The following WWOX variants were observed in gnomAD, a reference collection of about 807,000 sequenced individuals.
WWOX encodes the protein WW domain-containing oxidoreductase.
A neutral mutation model predicts 46.2 loss-of-function variants in WWOX; 69 were observed. That is an observed-to-expected ratio of 1.49 (90% confidence interval 1.23 to 1.82). The LOEUF (loss-of-function observed/expected upper bound fraction) is 1.82, where lower values mean the gene tolerates loss of function less well. WWOX is among the 40% of genes most tolerant of loss of function. The pLI is 0.00. For missense variants in WWOX, 919 were observed against 542.6 expected (o/e 1.69, Z -6.89); for synonymous variants, 359 against 202.6 (o/e 1.77, Z -6.56).
chr16:78,424,250 T>C (rs1020941998), intron 6 of WWOX, among the ~76,000 whole-genome samples: 2 of 151,704 alleles, frequency 1.3e-5, no homozygotes, highest in Admixed American at 6.6e-5. Context: ...CCTGAGTAAC[T>C]GGGATTACAG....
At chr16:78,890,452 C>G (rs778510218) in intron 8 of WWOX, 2 of 152,140 alleles carry the variant, frequency 1.3e-5, no homozygotes, top group Non-Finnish European at 2.9e-5. Context: ...GAGACTGTTC[C>G]CCCAGCCCCA....
chr16:78,965,949 A>C (rs980688160), intron 8 of WWOX, among the ~76,000 whole-genome samples: 9 of 152,184 alleles, frequency 5.9e-5, no homozygotes, highest in African/African-American at 2.2e-4. Context: ...ATTTGCTCCA[A>C]AGTAGAGTTG....
At chr16:78,546,806 C>T (rs80285051) in intron 8 of WWOX, among the ~76,000 whole-genome samples, 263 of 152,132 alleles carry the variant, frequency 1.7e-3, no homozygotes, top group African/African-American at 6.1e-3. Context: ...GCCTAGAAAA[C>T]CTGGGCACAA....
chr16:78,908,921 G>T (rs1003073739), intron 8 of WWOX, among the ~76,000 whole-genome samples: 1 of 152,196 alleles, frequency 6.6e-6, no homozygotes, highest in Non-Finnish European at 1.5e-5. Flanking sequence ...GCAGCCTCCG[G>T]CAGCATGACT....
intron 1 of WWOX, among the ~76,000 whole-genome samples, chr16:78,107,671 G>C (rs2032237024): frequency 1.3e-5 from 2 of 152,122 alleles, no homozygotes; most frequent in African/African-American, 2.4e-5. Flanking sequence ...TACATCTGTG[G>C]AAAGAATAAA....
intron 5 of WWOX, among the ~76,000 whole-genome samples, chr16:78,314,688 G>GGTTTTTTTTT (rs1555517825): frequency 4.4e-5 from 4 of 90,484 alleles, no homozygotes; most frequent in South Asian, 4.7e-4. Flanking sequence ...CCCTGCAGGG[G>GGTTTTTTTTT]TTTTTTTTTT....
intron 6 of WWOX, among the ~76,000 whole-genome samples, chr16:78,413,394 G>A (rs1490831453): frequency 6.6e-6 from 1 of 152,180 alleles, no homozygotes; most frequent in Non-Finnish European, 1.5e-5. Flanking sequence ...TGATGGGATT[G>A]TCATTAGTTC....
chr16:78,251,826 G>C (rs1288901011), intron 5 of WWOX, among the ~76,000 whole-genome samples: 1 of 152,196 alleles, frequency 6.6e-6, no homozygotes, highest in Non-Finnish European at 1.5e-5. Context: ...GTAAGGTTTA[G>C]TCAAGAAGTT....
intron 8 of WWOX, among the ~76,000 whole-genome samples, chr16:78,458,707 C>T (rs1001367758): frequency 1.3e-5 from 2 of 152,024 alleles, no homozygotes; most frequent in Admixed American, 6.6e-5. Flanking sequence ...GATAATCTGA[C>T]ATTTAAAAAT....
intron 5 of WWOX, among the ~76,000 whole-genome samples, chr16:78,216,372 G>A (rs1288164162): frequency 6.6e-6 from 1 of 152,140 alleles, no homozygotes; most frequent in African/African-American, 2.4e-5. Context: ...ATTAGTTTCT[G>A]CTGGCCGCTG....
chr16:78,976,630 C>T (rs779689292), intron 8 of WWOX, among the ~76,000 whole-genome samples: 3 of 152,094 alleles, frequency 2.0e-5, no homozygotes, highest in South Asian at 2.1e-4. Context: ...TCCACACCCG[C>T]GAAGATAAGA....
At chr16:78,810,081 T>C (rs964194232) in intron 8 of WWOX, among the ~76,000 whole-genome samples, 1 of 152,204 alleles carries the variant, frequency 6.6e-6, no homozygotes. Flanking sequence ...TTGATGGAAA[T>C]TTCCAGACCT....
intron 8 of WWOX, among the ~76,000 whole-genome samples, chr16:78,748,074 G>A (rs552394055): frequency 3.3e-5 from 5 of 152,192 alleles, no homozygotes; most frequent in Admixed American, 2.6e-4. Flanking sequence ...CTGTCTGTTA[G>A]TTTTTTCACA....
chr16:78,358,674 G>A (rs7499757), intron 5 of WWOX, among the ~76,000 whole-genome samples: 189 of 5,528 alleles, frequency 0.034, no homozygotes, highest in African/African-American at 0.1. Context: ...TAAATAATAT[G>A]TGTGTGTGTG....
chr16:78,569,067 T>G (rs930082295), intron 8 of WWOX, among the ~76,000 whole-genome samples: 2 of 152,188 alleles, frequency 1.3e-5, no homozygotes, highest in African/African-American at 4.8e-5. Flanking sequence ...GCTGGCTCAT[T>G]ACAGGCCACT....
At chr16:78,678,300 C>T (rs994663992) in intron 8 of WWOX, among the ~76,000 whole-genome samples, 1 of 152,114 alleles carries the variant, frequency 6.6e-6, no homozygotes, top group African/African-American at 2.4e-5. Flanking sequence ...CGCTTGAGCC[C>T]AGGAGGTCAA....
At chr16:78,676,718 A>T (rs1016806574) in intron 8 of WWOX, among the ~76,000 whole-genome samples, 1 of 152,218 alleles carries the variant, frequency 6.6e-6, no homozygotes, top group Non-Finnish European at 1.5e-5. Flanking sequence ...GTTTAAAGCA[A>T]GTTCTCATCA....
intron 8 of WWOX, among the ~76,000 whole-genome samples, chr16:78,701,116 C>T (rs924591216): frequency 1.3e-5 from 2 of 152,118 alleles, no homozygotes; most frequent in African/African-American, 4.8e-5. Flanking sequence ...ATAGTTACCT[C>T]ACAAGGTAGC....
chr16:78,736,009 C>G (rs1161555615), intron 8 of WWOX, among the ~76,000 whole-genome samples: 1 of 152,200 alleles, frequency 6.6e-6, no homozygotes, highest in Non-Finnish European at 1.5e-5. Flanking sequence ...TGTTGACTGT[C>G]TGAACCCTGT....
Sources: gnomAD v4.1 joint callset for allele counts (sites outside exome capture counted in the v4.1 genomes callset) on GRCh38, gnomAD v4.1.1 for gene constraint, MANE v1.5 for transcripts, NCBI Gene and HGNC (gene_info 2026-07-23, HGNC 2026-07-21) for gene names.